The following PRR5L variants were observed in gnomAD, a reference collection of about 807,000 sequenced individuals.
PRR5L encodes proline rich 5 like.
Under a neutral mutation model 36.4 loss-of-function variants are expected in PRR5L, and 21 were observed. The observed-to-expected ratio is 0.58, with a 90% CI of 0.41 to 0.83. The LOEUF is 0.83. Ranked by LOEUF, PRR5L falls within the 40% of genes least tolerant of loss-of-function variation. The pLI, the probability that PRR5L is intolerant of heterozygous loss-of-function variation, is 0.00. For missense variants in PRR5L, 381 were observed against 473.3 expected, an observed-to-expected ratio of 0.80 and a Z score of 1.81; for synonymous variants, 188 against 197.0, an observed-to-expected ratio of 0.95 and a Z score of 0.38.
chr11:36,359,029 A>G (rs958007890), intron 1 of PRR5L, among the ~76,000 whole-genome samples: 10 of 152,214 alleles, frequency 6.6e-5, no homozygotes, highest in African/African-American at 2.4e-4. Flanking sequence ...ACTGACTTGC[A>G]GGCTCATATT....
intron 1 of PRR5L, among the ~76,000 whole-genome samples, chr11:36,335,086 G>C (rs1291326276): frequency 1.3e-5 from 2 of 150,122 alleles, no homozygotes; most frequent in Non-Finnish European, 2.9e-5. Flanking sequence ...GTTTTGAGTG[G>C]AGATTTTTTT....
chr11:36,406,678 C>G (rs773571836), intron 3 of PRR5L, among the ~76,000 whole-genome samples: 2 of 152,176 alleles, frequency 1.3e-5, no homozygotes, highest in Non-Finnish European at 2.9e-5. Context: ...GTTTGCAGAA[C>G]AGATCTATCA....
chr11:36,450,034 T>C (rs748945980), intron 7 of PRR5L, among the ~76,000 whole-genome samples: 23 of 152,270 alleles, frequency 1.5e-4, no homozygotes, highest in Middle Eastern at 3.4e-3. Context: ...CTCAGCTTCC[T>C]TGTATTTCCT....
chr11:36,389,767 C>T (rs1857528604), intron 1 of PRR5L, among the ~76,000 whole-genome samples: 1 of 152,162 alleles, frequency 6.6e-6, no homozygotes, highest in African/African-American at 2.4e-5. Flanking sequence ...CGCCCGCCAC[C>T]ATACCTGGCT....
chr11:36,348,291 CT>C (rs778430654), intron 1 of PRR5L, among the ~76,000 whole-genome samples: 3 of 152,246 alleles, frequency 2.0e-5, no homozygotes, highest in Admixed American at 6.5e-5. Flanking sequence ...GTAAAACAGC[CT>C]TCACGGTATC....
rs1859263793 is a variant in PRR5L, at chr11:36,464,861, GTA to G, written c.*2128_*2129del. 1 of 152,226 alleles carries G rather than the reference GTA, an allele frequency of 6.6e-6. No individual in the cohort carries two copies. Among genetic ancestry groups the G allele is most frequent in the African/African-American group, 2.4e-5 (1 of 41,462 alleles). The allele number at this position is 152,226 out of a possible 1,614,324, so 9.4% of individuals were successfully genotyped here. A position where few individuals can be genotyped will look rare whatever the true frequency, so the allele number is the denominator to read the frequency against. ...TCTTAAAATGAGAATGGAAGTGTCA[GTA>G]TAGACCCAGTGTACTTAAGTGCTGA... On this transcript the variant is annotated 3_prime_UTR_variant, in exon 9 of 9. Transcript: ENST00000530639.
chr11:36,408,930 T>G (rs1337256246), intron 3 of PRR5L, among the ~76,000 whole-genome samples: 1 of 152,158 alleles, frequency 6.6e-6, no homozygotes, highest in Middle Eastern at 3.2e-3. Flanking sequence ...ATTGATTTAT[T>G]TATTGAATAA....
At chr11:36,362,452 G>C (rs1180761325) in intron 1 of PRR5L, among the ~76,000 whole-genome samples, 1 of 123,094 alleles carries the variant, frequency 8.1e-6, no homozygotes, top group Non-Finnish European at 1.9e-5. Flanking sequence ...GGACGGGGGC[G>C]GTGGTTGGTG....
chr11:36,410,838 T>C (rs1858009828), intron 3 of PRR5L, among the ~76,000 whole-genome samples: 1 of 151,870 alleles, frequency 6.6e-6, no homozygotes, highest in African/African-American at 2.4e-5. Flanking sequence ...AGAAGTGAGG[T>C]GGGTGATTTC....
chr11:36,324,385 G>C (rs1215503695), intron 1 of PRR5L, among the ~76,000 whole-genome samples: 2 of 152,166 alleles, frequency 1.3e-5, no homozygotes, highest in Non-Finnish European at 2.9e-5. Flanking sequence ...TTAATTCTAA[G>C]TGAAGGCAAT....
intron 1 of PRR5L, among the ~76,000 whole-genome samples, chr11:36,336,315 CT>C (rs1856768397): frequency 6.6e-6 from 1 of 152,072 alleles, no homozygotes; most frequent in Non-Finnish European, 1.5e-5. Flanking sequence ...TTGCAACCTC[CT>C]TCTCCTGGGC....
At chr11:36,413,224 T>A (rs1858064731) in intron 3 of PRR5L, among the ~76,000 whole-genome samples, 1 of 152,216 alleles carries the variant, frequency 6.6e-6, no homozygotes, top group Non-Finnish European at 1.5e-5. Context: ...CCTGGCCCCC[T>A]TTCCTCATCT....
chr11:36,415,720 G>A (rs1009501887), intron 3 of PRR5L, among the ~76,000 whole-genome samples: 11 of 152,060 alleles, frequency 7.2e-5, no homozygotes, highest in African/African-American at 2.7e-4. Flanking sequence ...CTCCAGCTTG[G>A]GCAACAGAGT....
chr11:36,355,725 AT>A (rs917794485), intron 1 of PRR5L, among the ~76,000 whole-genome samples: 6 of 146,888 alleles, frequency 4.1e-5, no homozygotes, highest in Admixed American at 2.0e-4. Context: ...ATTTTTTTTA[AT>A]TTTTTTTTAA....
intron 1 of PRR5L, chr11:36,376,333 G>A (rs1446089889): frequency 1.1e-5 from 12 of 1,083,034 alleles, no homozygotes; most frequent in South Asian, 1.8e-5. Flanking sequence ...GGGAGAAGGG[G>A]GAGGAGGAGG....
At chr11:36,302,474 G>A (rs1378436207) in intron 1 of PRR5L, among the ~76,000 whole-genome samples, 1 of 152,148 alleles carries the variant, frequency 6.6e-6, no homozygotes, top group East Asian at 1.9e-4. Context: ...GCATAACTAG[G>A]GGGGCTTCAT....
intron 1 of PRR5L, among the ~76,000 whole-genome samples, chr11:36,337,840 A>G (rs1856783364): frequency 6.6e-6 from 1 of 152,252 alleles, no homozygotes; most frequent in South Asian, 2.1e-4. Flanking sequence ...AAGATCCAAA[A>G]TAATAATGGC....
chr11:36,329,952 A>G (rs1056518194), intron 1 of PRR5L, among the ~76,000 whole-genome samples: 2 of 152,204 alleles, frequency 1.3e-5, no homozygotes, highest in African/African-American at 4.8e-5. Context: ...ATAAAGTCAA[A>G]CTTAGTTGTT....
In PRR5L at chr11:36,463,212, T is replaced by C. The variant is rs533048990; in HGVS notation, c.*476T>C. On this transcript the variant is annotated 3_prime_UTR_variant, in exon 9 of 9. Transcript: ENST00000530639. ...AAAATTAGTGGAGAGGGAACTCCTC[T>C]CCCCCATTTTGTGTAGAGTGAAAAT... 1 of 153,278 alleles carries C rather than the reference T, an allele frequency of 6.5e-6. No homozygotes were observed. Among genetic ancestry groups the C allele is most frequent in the East Asian group, 1.9e-4 (1 of 5,204 alleles). 9.5% of individuals were successfully genotyped at this position (153,278 alleles called of 1,614,324 possible). A position where few individuals can be genotyped will look rare whatever the true frequency, so the allele number is the denominator to read the frequency against.
Sources: gnomAD v4.1 joint callset for allele counts (sites outside exome capture counted in the v4.1 genomes callset) on GRCh38, gnomAD v4.1.1 for gene constraint, MANE v1.5 for transcripts, NCBI Gene and HGNC (gene_info 2026-07-23, HGNC 2026-07-21) for gene names.